The following ACKR2 variants were observed in gnomAD, a reference collection of about 807,000 sequenced individuals.
ACKR2 encodes the protein C-C chemokine receptor D6.
For missense variants in ACKR2, 457 were observed against 477.3 expected (o/e 0.96, Z 0.40); for synonymous variants, 207 against 192.2 (o/e 1.08, Z -0.64).
chr3:42,825,370 T>G (rs1486827623), intron 2 of ACKR2, among the ~76,000 whole-genome samples: 2 of 152,172 alleles, frequency 1.3e-5, no homozygotes, highest in Non-Finnish European at 2.9e-5. Context: ...TTAGGTCTAC[T>G]TTAATTTCTT....
chr3:42,827,113 A>G (rs1325212407), intron 2 of ACKR2, among the ~76,000 whole-genome samples: 3 of 152,212 alleles, frequency 2.0e-5, no homozygotes, highest in Non-Finnish European at 4.4e-5. Flanking sequence ...TTCTGAATGC[A>G]TTGAGACTTG....
At chr3:42,844,485 T>A (rs1260426719) in intron 2 of ACKR2, among the ~76,000 whole-genome samples, 1 of 152,106 alleles carries the variant, frequency 6.6e-6, no homozygotes, top group Non-Finnish European at 1.5e-5. Context: ...CTGGAATTTC[T>A]GGCATGCTGC....
intron 2 of ACKR2, among the ~76,000 whole-genome samples, chr3:42,861,704 T>C (rs1193234114): frequency 3.3e-5 from 5 of 152,152 alleles, no homozygotes; most frequent in Admixed American, 3.3e-4. Flanking sequence ...GCAAGGTTGG[T>C]TCAACATACA....
At chr3:42,839,386 A>G (rs747784309) in intron 2 of ACKR2, 10 of 152,144 alleles carry the variant, frequency 6.6e-5, no homozygotes, top group Non-Finnish European at 1.2e-4. Context: ...TCCCATCAAC[A>G]GTGCAGCAGC....
intron 2 of ACKR2, among the ~76,000 whole-genome samples, chr3:42,846,293 C>T (rs564024616): frequency 6.6e-6 from 1 of 152,294 alleles, no homozygotes; most frequent in South Asian, 2.1e-4. Flanking sequence ...GGCAAGGTCC[C>T]CAGTTCTCAA....
intron 2 of ACKR2, among the ~76,000 whole-genome samples, chr3:42,840,086 G>T (rs529811786): frequency 6.6e-6 from 1 of 151,686 alleles, no homozygotes. Context: ...GTGAAACCTC[G>T]TCTCTACTAA....
chr3:42,838,552 A>G (rs1201130864), intron 2 of ACKR2, among the ~76,000 whole-genome samples: 1 of 152,224 alleles, frequency 6.6e-6, no homozygotes, highest in Non-Finnish European at 1.5e-5. Context: ...CATACCAAGA[A>G]CTTAGGAGAA....
intron 2 of ACKR2, among the ~76,000 whole-genome samples, chr3:42,854,830 C>A (rs559432852): frequency 1.3e-5 from 2 of 151,928 alleles, no homozygotes; most frequent in Non-Finnish European, 2.9e-5. Flanking sequence ...TCCTGGGCAA[C>A]CAGCAAAGAC....
intron 2 of ACKR2, among the ~76,000 whole-genome samples, chr3:42,863,808 A>G (rs1004146174): frequency 6.6e-5 from 10 of 152,182 alleles, no homozygotes; most frequent in African/African-American, 1.9e-4. Context: ...GAGTTGAACA[A>G]TGATAACACA....
chr3:42,811,512 C>G (rs1184804167), intron 1 of ACKR2, among the ~76,000 whole-genome samples: 2 of 152,210 alleles, frequency 1.3e-5, no homozygotes, highest in Non-Finnish European at 2.9e-5. Flanking sequence ...CCCAAGAAAG[C>G]CTGGGTATTG....
At chr3:42,854,855 CTTT>C (rs1207262721) in intron 2 of ACKR2, among the ~76,000 whole-genome samples, 7 of 133,840 alleles carry the variant, frequency 5.2e-5, no homozygotes, top group Admixed American at 2.3e-4. Context: ...TCATACCTTT[CTTT>C]TTTTTTTTTT....
Position 42,865,028 on chromosome 3 carries a change from T to G in ACKR2, c.526T>G (p.Ser176Ala), listed in dbSNP as rs779198133. Residue 176 changes from serine (S) to alanine (A), a missense_variant, in exon 3 of 3, where the codon TCC (serine) becomes GCC (alanine). By Grantham distance (99) the Ser-to-Ala change is moderately conservative. Transcript: ENST00000422265. ...TIVWAVSLAV[S>A]IPDMVFVQTH... Reference sequence around the variant, plus strand: ...AGTATGGGCTGTGTCCCTGGCCGTCTCCATCCCTGATATGGTCTTTGTACA... The same window carrying G: ...AGTATGGGCTGTGTCCCTGGCCGTCGCCATCCCTGATATGGTCTTTGTACA... The G allele has an allele frequency of 1.2e-6, 2 of 1,614,152 alleles. No homozygotes were observed. The highest frequency in any genetic ancestry group is 2.2e-5 in the South Asian group (2 of 91,086).
intron 2 of ACKR2, among the ~76,000 whole-genome samples, chr3:42,859,671 G>A (rs774419883): frequency 1.4e-4 from 21 of 152,180 alleles, no homozygotes; most frequent in East Asian, 3.9e-4. Flanking sequence ...GTGAGCCGCC[G>A]CGCCTGGCCT....
chr3:42,833,847 C>T (rs1700957495), intron 2 of ACKR2, among the ~76,000 whole-genome samples: 1 of 152,082 alleles, frequency 6.6e-6, no homozygotes, highest in African/African-American at 2.4e-5. Flanking sequence ...CCCAGATTTT[C>T]AACCCTGTGT....
chr3:42,854,987 G>T (rs1309323574), intron 2 of ACKR2, among the ~76,000 whole-genome samples: 1 of 151,638 alleles, frequency 6.6e-6, no homozygotes, highest in Admixed American at 6.6e-5. Flanking sequence ...CTCCCAAGTA[G>T]CTGGGATTAC....
At chr3:42,845,873 GA>G (rs1230206333) in intron 2 of ACKR2, among the ~76,000 whole-genome samples, 8 of 147,240 alleles carry the variant, frequency 5.4e-5, no homozygotes, top group African/African-American at 1.7e-4. Context: ...AAAGAAAAAA[GA>G]AAAAAAGAAA....
At chr3:42,842,183 T>C (rs1009535790) in intron 2 of ACKR2, among the ~76,000 whole-genome samples, 2 of 152,210 alleles carry the variant, frequency 1.3e-5, no homozygotes, top group Non-Finnish European at 2.9e-5. Context: ...GACAGGATGG[T>C]TTTCTTGTGA....
intron 1 of ACKR2, among the ~76,000 whole-genome samples, chr3:42,814,178 A>G (rs1398711801): frequency 6.6e-6 from 1 of 152,270 alleles, no homozygotes; most frequent in Admixed American, 6.5e-5. Flanking sequence ...TCATGTTACA[A>G]GAAAATGACA....
In ACKR2 at chr3:42,812,586, G is replaced by A. The variant is rs188603705; in HGVS notation, c.-119+3054G>A. Among the ~76,000 whole-genome samples the A allele has an allele frequency of 3.1e-4, 46 of 150,044 alleles. No homozygotes were observed. The East Asian group carries it at 8.5e-3, about 28-fold the overall frequency. Reference sequence around the variant, plus strand: ...AACTAGCCCAGTGCTCTGTTTGCTTGCTTACCTCTCCAGGTCATGGAATCA... The same window carrying A: ...AACTAGCCCAGTGCTCTGTTTGCTTACTTACCTCTCCAGGTCATGGAATCA... On this transcript the variant is annotated intron_variant, in intron 1 of 2. Coordinates refer to ENST00000422265, the MANE Select transcript of ACKR2 (RefSeq NM_001296.5).
Sources: gnomAD v4.1 joint callset for allele counts (sites outside exome capture counted in the v4.1 genomes callset) on GRCh38, gnomAD v4.1.1 for gene constraint, MANE v1.5 for transcripts, NCBI Gene and HGNC (gene_info 2026-07-23, HGNC 2026-07-21) for gene names.